The following BLM variants were observed in gnomAD, a reference collection of about 807,000 sequenced individuals.
BLM encodes BLM RecQ like helicase, also known as recQ-like DNA helicase BLM.
A neutral mutation model predicts 135.3 loss-of-function variants in BLM; 95 were observed. The ratio of observed to expected loss-of-function variants is 0.70; its 90% CI spans 0.59 to 0.83. The LOEUF (loss-of-function observed/expected upper bound fraction) is 0.83. Ranked by LOEUF, BLM falls within the 40% of genes least tolerant of loss-of-function variation. The pLI is 0.00. For missense variants in BLM, 1,518 were observed against 1,663.9 expected (o/e 0.91, Z 1.53); for synonymous variants, 520 against 589.2 (o/e 0.88, Z 1.70).
At chr15:90,800,605 G>A (rs1038357565) in intron 17 of BLM, among the ~76,000 whole-genome samples, 1 of 152,136 alleles carries the variant, frequency 6.6e-6, no homozygotes, top group Non-Finnish European at 1.5e-5. Context: ...GCTTGAACCC[G>A]GGAGGCAGAG....
intron 15 of BLM, among the ~76,000 whole-genome samples, chr15:90,792,517 C>G (rs1896930910): frequency 6.6e-6 from 1 of 152,164 alleles, no homozygotes; most frequent in Non-Finnish European, 1.5e-5. Flanking sequence ...TTGTTCAAAA[C>G]AACTAACTTG....
intron 1 of BLM, among the ~76,000 whole-genome samples, chr15:90,718,791 C>G (rs1894679650): frequency 6.6e-6 from 1 of 151,990 alleles, no homozygotes; most frequent in Admixed American, 6.6e-5. Context: ...GTTAAAAAAT[C>G]AGGAAAAGTG....
chr15:90,810,169 C>G (rs28385152), intron 20 of BLM, among the ~76,000 whole-genome samples: 1,828 of 150,704 alleles, frequency 0.012, 39 homozygotes, highest in African/African-American at 0.042. Context: ...TATCCCACCT[C>G]AGCCTCCCCA....
In BLM at chr15:90,770,175, C is replaced by CA. The variant is rs1003150486; in HGVS notation, c.2555+589_2555+590insA. 1.0e-4 allele frequency among the ~76,000 whole-genome samples: 15 copies of CA among 144,742 alleles called. 1 individual carries two copies. The highest frequency in any genetic ancestry group is 3.6e-4 in the African/African-American group (14 of 38,858). The allele number at this position is 144,742 out of a possible 152,430, so 95.0% of individuals were successfully genotyped here. On this transcript the variant is annotated intron_variant, in intron 12 of 21. Transcript: ENST00000355112. ...ATCTACTATAAAAGAAATCCCCCCCCCCTTTTTTTTTTTTTTGAGATGGAG... is the reference window on the plus strand; with the variant it reads ...ATCTACTATAAAAGAAATCCCCCCCCACCTTTTTTTTTTTTTTGAGATGGAG...
intron 10 of BLM, 30 bp from the exon 11 acceptor site, chr15:90,769,103 T>G (rs1896220493): frequency 6.6e-7 from 1 of 1,504,974 alleles, no homozygotes; most frequent in African/African-American, 1.4e-5. Flanking sequence ...GTTTCAGTGT[T>G]TTTACATGTC....
intron 12 of BLM, among the ~76,000 whole-genome samples, chr15:90,777,343 G>T (rs555689045): frequency 6.6e-6 from 1 of 152,226 alleles, no homozygotes; most frequent in African/African-American, 2.4e-5. Context: ...GGTAGAGACA[G>T]GGTTTCACCA....
At position 90,765,400 on chromosome 15, in the gene BLM, C is replaced by T; in HGVS notation, c.2179C>T (p.Leu727=). Residue 727 remains leucine (L), a synonymous_variant, in exon 9 of 22, where the codon CTG becomes TTG. Coordinates refer to ENST00000355112, the MANE Select transcript of BLM (RefSeq NM_000057.4). ...RSLIVDQVQK[L]TSLDIPATYL... The stretch of plus-strand genomic sequence containing the variant: ...ACTTATCGTAGATCAAGTCCAAAAG[C>T]TGACTTCCTTGGATGTAAGTTATAA... 1 of 1,604,830 alleles carries T rather than the reference C, an allele frequency of 6.2e-7. No individual in the cohort carries two copies. Among genetic ancestry groups the T allele is most frequent in the East Asian group, 2.2e-5 (1 of 44,812 alleles).
intron 12 of BLM, among the ~76,000 whole-genome samples, chr15:90,778,170 C>T (rs1315532494): frequency 6.6e-6 from 1 of 152,148 alleles, no homozygotes; most frequent in Non-Finnish European, 1.5e-5. Context: ...AGTCCTTTTG[C>T]AGTAGAGATA....
intron 12 of BLM, among the ~76,000 whole-genome samples, chr15:90,771,391 G>A (rs1202631367): frequency 6.6e-6 from 1 of 152,072 alleles, no homozygotes; most frequent in African/African-American, 2.4e-5. Flanking sequence ...GGAGGCTGAG[G>A]CAGGAGAATT....
chr15:90,793,655 C>G (rs1896959627), intron 15 of BLM: 1 of 152,396 alleles, frequency 6.6e-6, no homozygotes, highest in South Asian at 2.1e-4. Flanking sequence ...ATACCATTAA[C>G]TACCTCAAGC....
chr15:90,793,295 C>T (rs930735632), intron 15 of BLM, among the ~76,000 whole-genome samples: 2 of 151,942 alleles, frequency 1.3e-5, no homozygotes, highest in African/African-American at 2.4e-5. Flanking sequence ...CCACCACACC[C>T]AGCTAATTTT....
chr15:90,756,499 G>C (rs1895824848), intron 5 of BLM, among the ~76,000 whole-genome samples: 2 of 152,212 alleles, frequency 1.3e-5, no homozygotes, highest in Non-Finnish European at 2.9e-5. Context: ...ATTAGCCTCA[G>C]AGCTAGGATC....
At chr15:90,770,301 A>AGT (rs1896275605) in intron 12 of BLM, among the ~76,000 whole-genome samples, 2 of 150,946 alleles carry the variant, frequency 1.3e-5, no homozygotes, top group African/African-American at 4.9e-5. Context: ...TAGCCTCCCG[A>AGT]GTAGCTGGGA....
chr15:90,760,007 C>G, intron 5 of BLM, 140 bp from the exon 6 acceptor site: 6 of 588,466 alleles, frequency 1.0e-5, no homozygotes, highest in Non-Finnish European at 1.4e-5. Flanking sequence ...CCAGGCTGGT[C>G]TTGAACTCCT....
At chr15:90,811,495 T>A in intron 21 of BLM, 89 bp downstream of exon 21, 1 of 1,377,454 alleles carries the variant, frequency 7.3e-7, no homozygotes, top group Non-Finnish European at 1.0e-6. Flanking sequence ...AAGGATTTAT[T>A]AAAATAAGCC....
chr15:90,770,177 C>CCCCCT (rs1555420977), intron 12 of BLM, among the ~76,000 whole-genome samples: 3 of 128,214 alleles, frequency 2.3e-5, no homozygotes, highest in Admixed American at 8.6e-5. Context: ...TCCCCCCCCC[C>CCCCCT]TTTTTTTTTT....
In BLM at chr15:90,749,530, G is replaced by T. The variant is rs752379441; in HGVS notation, c.262G>T (p.Asp88Tyr). 1.2e-6 allele frequency: 2 copies of T among 1,613,980 alleles called. No individual in the cohort carries two copies. The highest frequency in any genetic ancestry group is 2.7e-5 in the African/African-American group (2 of 74,922). The part of the protein sequence containing the change: ...PNTTNQQRVK[D>Y]FFKNAPAGQE... ...CACCACAAATCAGCAAAGGGTCAAG[G>T]ACTTCTTTAAAAATGCTCCAGCAGG... Residue 88 changes from aspartate to tyrosine, a missense_variant, in exon 3 of 22, where the codon GAC (aspartate) becomes TAC (tyrosine). Transcript: ENST00000355112.
intron 1 of BLM, among the ~76,000 whole-genome samples, chr15:90,720,493 A>C (rs1894736388): frequency 6.6e-6 from 1 of 152,188 alleles, no homozygotes; most frequent in Non-Finnish European, 1.5e-5. Flanking sequence ...GTCCTTTCCA[A>C]ATTTCAGCTA....
intron 1 of BLM, among the ~76,000 whole-genome samples, chr15:90,741,624 C>T (rs992443410): frequency 1.3e-5 from 2 of 152,144 alleles, no homozygotes; most frequent in Non-Finnish European, 2.9e-5. Flanking sequence ...TATGAAGGGT[C>T]TGAGATTTTA....
Sources: allele counts gnomAD v4.1 joint callset (sites outside exome capture counted in the v4.1 genomes callset), GRCh38; gene constraint gnomAD v4.1.1; transcripts MANE v1.5; gene names NCBI Gene and HGNC (gene_info 2026-07-23, HGNC 2026-07-21).